MACROD2: variants seen among roughly 807,000 people sequenced by gnomAD.
MACROD2 encodes the protein ADP-ribose glycohydrolase MACROD2.
MACROD2 carries 36 observed loss-of-function variants against 70.4 expected under a neutral mutation model. The observed-to-expected ratio is 0.51, with a 90% CI of 0.39 to 0.68. The LOEUF is 0.68. Ranked by LOEUF, MACROD2 falls within the 30% of genes least tolerant of loss-of-function variation. MACROD2 has a pLI of 0.00. For missense variants in MACROD2, 496 were observed against 538.4 expected, an observed-to-expected ratio of 0.92 and a Z score of 0.78; for synonymous variants, 172 against 178.8, an observed-to-expected ratio of 0.96 and a Z score of 0.30.
At chr20:14,572,929 G>T (rs952364124) in intron 4 of MACROD2, among the ~76,000 whole-genome samples, 1 of 151,074 alleles carries the variant, frequency 6.6e-6, no homozygotes, top group Admixed American at 6.6e-5. Context: ...GATATGAATT[G>T]GAATCAGTTT....
intron 5 of MACROD2, among the ~76,000 whole-genome samples, chr20:14,721,083 C>T (rs1260596416): frequency 6.6e-6 from 1 of 151,376 alleles, no homozygotes; most frequent in East Asian, 2.0e-4. Context: ...GATGAAACCC[C>T]GTCTCTACTA....
chr20:15,537,834 C>T (rs2047897589), intron 8 of MACROD2, among the ~76,000 whole-genome samples: 1 of 152,122 alleles, frequency 6.6e-6, no homozygotes, highest in Non-Finnish European at 1.5e-5. Context: ...GCCTCTGGCT[C>T]CCATGCTAGA....
At chr20:14,742,194 T>A (rs1418412540) in intron 5 of MACROD2, among the ~76,000 whole-genome samples, 5 of 152,252 alleles carry the variant, frequency 3.3e-5, no homozygotes, top group Admixed American at 2.6e-4. Flanking sequence ...TGAGCTGAGG[T>A]TGTGGCTGGT....
At chr20:15,666,794 G>A (rs1460073656) in intron 8 of MACROD2, among the ~76,000 whole-genome samples, 2 of 152,146 alleles carry the variant, frequency 1.3e-5, no homozygotes, top group East Asian at 1.9e-4. Flanking sequence ...AGAGTGCCAC[G>A]AGCCATGTCA....
intron 7 of MACROD2, among the ~76,000 whole-genome samples, chr20:15,433,687 GA>G (rs893218243): frequency 2.1e-5 from 3 of 145,372 alleles, no homozygotes; most frequent in African/African-American, 5.2e-5. Flanking sequence ...ACAGAACTAG[GA>G]AAAAAAAGCT....
intron 3 of MACROD2, among the ~76,000 whole-genome samples, chr20:14,381,472 GTGATCTTTGTTA>G (rs1190384855): frequency 6.6e-6 from 1 of 152,070 alleles, no homozygotes; most frequent in Non-Finnish European, 1.5e-5. Flanking sequence ...ATAAAATTTA[GTGATCTTTGTTA>G]TGATCTTTGT....
chr20:14,823,511 C>T (rs1006167473), intron 5 of MACROD2, among the ~76,000 whole-genome samples: 1 of 152,084 alleles, frequency 6.6e-6, no homozygotes, highest in Non-Finnish European at 1.5e-5. Context: ...TTAGCACACT[C>T]AAGGTTGCCT....
intron 8 of MACROD2, among the ~76,000 whole-genome samples, chr20:15,619,174 C>A (rs900098462): frequency 6.6e-6 from 1 of 152,162 alleles, no homozygotes; most frequent in Non-Finnish European, 1.5e-5. Flanking sequence ...ACTCCTAAAC[C>A]GTAATTTCTC....
chr20:15,664,792 A>G (rs1276164672), intron 8 of MACROD2, among the ~76,000 whole-genome samples: 2 of 152,132 alleles, frequency 1.3e-5, no homozygotes, highest in East Asian at 1.9e-4. Context: ...CATGTCAGCT[A>G]TCATCCCAGT....
intron 15 of MACROD2, among the ~76,000 whole-genome samples, chr20:16,024,716 G>A (rs918601205): frequency 2.0e-5 from 3 of 152,176 alleles, no homozygotes; most frequent in Non-Finnish European, 4.4e-5. Flanking sequence ...GAAAATTGAG[G>A]GTAGCTATTC....
intron 5 of MACROD2, among the ~76,000 whole-genome samples, chr20:15,024,490 T>G (rs555100718): frequency 6.8e-6 from 1 of 147,400 alleles, no homozygotes; most frequent in Non-Finnish European, 1.5e-5. Context: ...TTCGAGTGAT[T>G]TGTAGGGTTT....
chr20:15,167,910 C>G (rs2076396429), intron 5 of MACROD2, among the ~76,000 whole-genome samples: 1 of 152,038 alleles, frequency 6.6e-6, no homozygotes, highest in Non-Finnish European at 1.5e-5. Flanking sequence ...GCAGAGACCA[C>G]AAAATCTGGA....
chr20:15,147,939 A>G (rs2076242665), intron 5 of MACROD2, among the ~76,000 whole-genome samples: 1 of 152,030 alleles, frequency 6.6e-6, no homozygotes, highest in Non-Finnish European at 1.5e-5. Flanking sequence ...CAGGATAAGG[A>G]ATTTCACAAG....
At chr20:14,626,464 G>C (rs924432545) in intron 4 of MACROD2, among the ~76,000 whole-genome samples, 5 of 152,140 alleles carry the variant, frequency 3.3e-5, no homozygotes, top group African/African-American at 1.2e-4. Context: ...AAAAGGAACA[G>C]GAGTGTCCCT....
At chr20:14,171,664 G>C (rs570060035) in intron 3 of MACROD2, among the ~76,000 whole-genome samples, 1 of 152,208 alleles carries the variant, frequency 6.6e-6, no homozygotes, top group South Asian at 2.1e-4. Context: ...GTTCTTTTTG[G>C]AGTTGATTTC....
At chr20:15,769,446 C>G (rs2051585868) in intron 8 of MACROD2, among the ~76,000 whole-genome samples, 1 of 152,210 alleles carries the variant, frequency 6.6e-6, no homozygotes. Context: ...CACGCCCCAC[C>G]TAATATAATT....
chr20:15,838,412 T>A (rs2064136777), intron 8 of MACROD2, among the ~76,000 whole-genome samples: 1 of 152,158 alleles, frequency 6.6e-6, no homozygotes, highest in Non-Finnish European at 1.5e-5. Flanking sequence ...CCTTACCAGA[T>A]GTGATGCAAA....
intron 6 of MACROD2, among the ~76,000 whole-genome samples, chr20:15,312,717 G>A (rs1275437015): frequency 1.3e-5 from 2 of 152,096 alleles, no homozygotes; most frequent in Non-Finnish European, 2.9e-5. Flanking sequence ...TTGCCTATCA[G>A]GAAGATAGTT....
chr20:15,737,638 T>C (rs1056319057), intron 8 of MACROD2, among the ~76,000 whole-genome samples: 1 of 152,238 alleles, frequency 6.6e-6, no homozygotes, highest in South Asian at 2.1e-4. Context: ...GGCATTGCTA[T>C]GAATATAGTT....
Sources: allele counts gnomAD v4.1 joint callset (sites outside exome capture counted in the v4.1 genomes callset), GRCh38; gene constraint gnomAD v4.1.1; transcripts MANE v1.5; gene names NCBI Gene and HGNC (gene_info 2026-07-23, HGNC 2026-07-21).